Variants in TARBP1 observed in about 807,000 individuals in gnomAD.
TARBP1 encodes the protein tRNA guanosine 2 -O-methyltransferase TARBP1, also known as tRNA (guanosine(18)-2'-O)-methyltransferase TARBP1.
TARBP1 carries 144 observed loss-of-function variants against 178.6 expected under a neutral mutation model. The ratio of observed to expected loss-of-function variants is 0.81; its 90% CI spans 0.70 to 0.93. The LOEUF (loss-of-function observed/expected upper bound fraction) is 0.93. Ranked by LOEUF, TARBP1 falls within the 40% of genes least tolerant of loss-of-function variation. The probability of loss-of-function intolerance (pLI) is 0.00; values close to 1 mark genes in which losing one functional copy is unlikely to be tolerated. For synonymous variants in TARBP1, 787 were observed against 781.0 expected (o/e 1.01, Z -0.13); for missense variants, 2,067 against 2,011.7 (o/e 1.03, Z -0.53).
rs139191521 is a variant in TARBP1, at chr1:234,408,404, G to C, written c.3792+2041C>G. On this transcript the variant is annotated intron_variant, in intron 23 of 29. Coordinates refer to ENST00000040877, the MANE Select transcript of TARBP1 (RefSeq NM_005646.4). ...AGTTTAGTTTATAGTTTAAAACAAAGATGATAACAGCCCTTTCCCAAGACA... is the reference window on the plus strand; with the variant it reads ...AGTTTAGTTTATAGTTTAAAACAAACATGATAACAGCCCTTTCCCAAGACA... Among the ~76,000 whole-genome samples the C allele has an allele frequency of 4.8e-3, 733 of 152,276 alleles. 4 individuals are homozygous for C. Among genetic ancestry groups the C allele is most frequent in the Non-Finnish European group, 6.8e-3 (462 of 68,028 alleles).
intron 12 of TARBP1, among the ~76,000 whole-genome samples, chr1:234,445,635 C>T (rs1558218585): frequency 6.6e-6 from 1 of 152,080 alleles, no homozygotes; most frequent in Non-Finnish European, 1.5e-5. Context: ...AAAAAAATAT[C>T]TTCTTGAGGA....
intron 5 of TARBP1, 116 bp from the exon 6 acceptor site, chr1:234,464,050 A>T: frequency 2.0e-6 from 1 of 506,122 alleles, no homozygotes; most frequent in Non-Finnish European, 3.3e-6. Context: ...ACAATCAGAC[A>T]GTTTTATTTT....
Position 234,478,505 on chromosome 1 carries a change from A to G in TARBP1, c.599T>C (p.Val200Ala). 7.2e-7 allele frequency: 1 copy of G among 1,393,794 alleles called. No individual in the cohort carries two copies. Among genetic ancestry groups the G allele is most frequent in the Non-Finnish European group, 9.3e-7 (1 of 1,071,124 alleles). The allele number at this position is 1,393,794 out of a possible 1,614,324, so 86.3% of individuals were successfully genotyped here. ...LVAGRLLPVL[V>A]QCGGAALRAV... ...CCGCAGCGCCGCCCCGCCACATTGGACCAGCACTGGCAGCAGTCGCCCGGC... is the reference window on the plus strand; with the variant it reads ...CCGCAGCGCCGCCCCGCCACATTGGGCCAGCACTGGCAGCAGTCGCCCGGC... The change falls in exon 1 of 30, where the codon GTC (valine) becomes GCC (alanine). Residue 200 changes from valine to alanine, a missense_variant. Physicochemically the swap from Val to Ala is moderately conservative, Grantham distance 64. Transcript: ENST00000040877.
At chr1:234,474,312 C>T (rs1313080555) in intron 1 of TARBP1, among the ~76,000 whole-genome samples, 1 of 143,134 alleles carries the variant, frequency 7.0e-6, no homozygotes, top group African/African-American at 2.6e-5. Flanking sequence ...AAAAAAAAAA[C>T]TCAATCCAAA....
Position 234,391,569 on chromosome 1 carries a change from A to C in TARBP1, c.*8T>G, listed in dbSNP as rs1317110499. ...GAACAGCAGCAGCAGTTCACTAAGG[A>C]AGGCACATCATGGCTTGGTATCTCC... On this transcript the variant is annotated 3_prime_UTR_variant, in exon 30 of 30. Transcript: ENST00000040877. 5.0e-6 allele frequency: 8 copies of C among 1,596,668 alleles called. 1 individual carries two copies. The highest frequency in any genetic ancestry group is 2.2e-5 in the South Asian group (2 of 89,242).
chr1:234,413,243 G>T (rs1344414), intron 22 of TARBP1, among the ~76,000 whole-genome samples: 1 of 152,182 alleles, frequency 6.6e-6, no homozygotes, highest in African/African-American at 2.4e-5. Flanking sequence ...AAAAAGCAGT[G>T]GCTCACGCCT....
chr1:234,430,136 G>T lies in TARBP1; in HGVS notation c.2560C>A (p.Pro854Thr), dbSNP rs770814026. 2 of 1,614,170 alleles carry T rather than the reference G, an allele frequency of 1.2e-6. No individual in the cohort carries two copies. The highest frequency in any genetic ancestry group is 1.7e-6 in the Non-Finnish European group (2 of 1,180,024). ...TAACTGCTCTGCTCCTCTGCGTGGG[G>T]CTTCTGCAGCGTCTGATTGAGCTGA... ...SLQLNQTLQK[P>T]HAEEQSSYAH... The change falls in exon 15 of 30, where the codon CCC becomes ACC. Residue 854 changes from proline to threonine, a missense_variant. By Grantham distance (38) the Pro-to-Thr change is conservative. Transcript: ENST00000040877.
intron 23 of TARBP1, chr1:234,407,297 A>G (rs1265498147): frequency 6.6e-6 from 1 of 151,476 alleles, no homozygotes; most frequent in Non-Finnish European, 1.5e-5. Context: ...GCTTCTATAA[A>G]AATTACTTGT....
At position 234,459,316 on chromosome 1, in the gene TARBP1, G is replaced by A; in HGVS notation, c.1546C>T (p.His516Tyr). 6.2e-7 allele frequency: 1 copy of A among 1,608,700 alleles called. No individual in the cohort carries two copies. The highest frequency in any genetic ancestry group is 8.5e-7 in the Non-Finnish European group (1 of 1,177,898). ...DGLLALRDVI[H>Y]CTMITHQILL... ...ATCTGATGTGTGATCATAGTGCAAT[G>A]AATAACATCCCTGACATCGAAACAC... Residue 516 changes from histidine to tyrosine, a missense_variant, in exon 8 of 30, where the codon CAT (histidine) becomes TAT (tyrosine). Physicochemically the swap from His to Tyr is moderately conservative, Grantham distance 83. Transcript: ENST00000040877.
chr1:234,422,895 A>T (rs1273021354), intron 20 of TARBP1, among the ~76,000 whole-genome samples: 1 of 152,196 alleles, frequency 6.6e-6, no homozygotes, highest in East Asian at 1.9e-4. Context: ...AAACATTTAA[A>T]AATATGTATT....
chr1:234,429,584 T>C lies in TARBP1; in HGVS notation c.2703A>G (p.Lys901=). The part of the protein sequence containing the change: ...DQWVCLSFLL[K]KYHTLIPTTG... ...TGGTTGGTATAAGGGTGTGATATTT[T>C]TTCAACAGGAAAGAGAGGCACACCC... Residue 901 remains lysine, a synonymous_variant, in exon 16 of 30, where the codon AAA becomes AAG. Coordinates refer to ENST00000040877, the MANE Select transcript of TARBP1 (RefSeq NM_005646.4). The C allele has an allele frequency of 6.2e-7, 1 of 1,614,164 alleles. No individual in the cohort carries two copies. The highest frequency in any genetic ancestry group is 8.5e-7 in the Non-Finnish European group (1 of 1,180,032).
At position 234,427,778 on chromosome 1, in the gene TARBP1, T is replaced by C; in HGVS notation, c.3061-12A>G. 2 of 1,394,948 alleles carry C rather than the reference T, an allele frequency of 1.4e-6. No individual in the cohort carries two copies. Among genetic ancestry groups the C allele is most frequent in the Non-Finnish European group, 1.9e-6 (2 of 1,069,042 alleles). The allele number at this position is 1,394,948 out of a possible 1,614,324, so 86.4% of individuals were successfully genotyped here. A position where few individuals can be genotyped will look rare whatever the true frequency, so the allele number is the denominator to read the frequency against. The stretch of plus-strand genomic sequence containing the variant: ...ATCTTGTACATAATCTGGAATAAAA[T>C]ACAACCGTCATTTTATCCTTGATTT... On this transcript the variant is annotated splice_polypyrimidine_tract_variant and intron_variant, in intron 17 of 29. Transcript: ENST00000040877.
chr1:234,475,665 C>T (rs932191723), intron 1 of TARBP1, among the ~76,000 whole-genome samples: 1 of 152,218 alleles, frequency 6.6e-6, no homozygotes, highest in Non-Finnish European at 1.5e-5. Context: ...GACGCTCAGA[C>T]ACATGGGGCC....
At chr1:234,432,734 C>CT (rs143708572) in intron 14 of TARBP1, among the ~76,000 whole-genome samples, 16,791 of 152,030 alleles carry the variant, frequency 0.11, 1,135 homozygotes, top group East Asian at 0.23. Context: ...TTGTAAAACT[C>CT]TAAGTAGCCT....
Position 234,410,442 on chromosome 1 carries a change from T to C in TARBP1, c.3792+3A>G, listed in dbSNP as rs774438813. 23 of 1,446,192 alleles carry C rather than the reference T, an allele frequency of 1.6e-5. No individual in the cohort carries two copies. The highest frequency in any genetic ancestry group is 2.1e-5 in the Admixed American group (1 of 47,340). The allele number at this position is 1,446,192 out of a possible 1,614,324, so 89.6% of individuals were successfully genotyped here. ...AAGTTTAAATTCTTACAAACAAACTTACCTTTTCTGGAATATTTTGAGTAA... is the reference window on the plus strand; with the variant it reads ...AAGTTTAAATTCTTACAAACAAACTCACCTTTTCTGGAATATTTTGAGTAA... On this transcript the variant is annotated splice_donor_region_variant and intron_variant, in intron 23 of 29. Coordinates refer to ENST00000040877, the MANE Select transcript of TARBP1 (RefSeq NM_005646.4).
chr1:234,412,325 G>C (rs539537623), intron 22 of TARBP1, among the ~76,000 whole-genome samples: 196 of 152,130 alleles, frequency 1.3e-3, no homozygotes, highest in Middle Eastern at 6.8e-3. Context: ...GGGAGGCTGA[G>C]GCAGGAGAAT....
rs1669844339 is a variant in TARBP1, at chr1:234,478,828, G to A, written c.276C>T (p.His92=). Residue 92 remains histidine, a synonymous_variant, in exon 1 of 30, where the codon CAC becomes CAT. Transcript: ENST00000040877. ...GGPDPSLQPR[H]RRRVLRAAGA... ...CCGCCGCCCTCAGCACGCGCCGGCG[G>A]TGGCGAGGCTGCAGACTGGGGTCCG... is the stretch of plus-strand genomic sequence containing the variant. The A allele has an allele frequency of 2.5e-6, 3 of 1,190,366 alleles. No homozygotes were observed. Among genetic ancestry groups the A allele is most frequent in the Non-Finnish European group, 3.1e-6 (3 of 963,676 alleles). The allele number at this position is 1,190,366 out of a possible 1,614,324, so 73.7% of individuals were successfully genotyped here.
chr1:234,419,871 A>G (rs1003088756), intron 21 of TARBP1, among the ~76,000 whole-genome samples: 1 of 152,084 alleles, frequency 6.6e-6, no homozygotes, highest in East Asian at 1.9e-4. Context: ...ATATACTTAT[A>G]TACTTACACT....
At chr1:234,451,736 G>A (rs1277511505) in intron 9 of TARBP1, among the ~76,000 whole-genome samples, 2 of 63,762 alleles carry the variant, frequency 3.1e-5, no homozygotes, top group Non-Finnish European at 9.0e-5. Context: ...GCGACAGAGC[G>A]AGACTCCGTC....
Sources: gnomAD v4.1 joint callset for allele counts (sites outside exome capture counted in the v4.1 genomes callset) on GRCh38, gnomAD v4.1.1 for gene constraint, MANE v1.5 for transcripts, NCBI Gene and HGNC (gene_info 2026-07-23, HGNC 2026-07-21) for gene names.